The following ASPH variants were observed in gnomAD, a reference collection of about 807,000 sequenced individuals.
ASPH encodes the protein aspartyl/asparaginyl beta-hydroxylase.
In ASPH, 100 loss-of-function variants were observed where a neutral mutation model predicts 118.4. That is an observed-to-expected ratio of 0.84 (90% confidence interval 0.72 to 1.00). The LOEUF (loss-of-function observed/expected upper bound fraction) is 1.00. Among genes scored for constraint, ASPH ranks in the 50% least tolerant of loss-of-function variants. The pLI is 0.00. For missense variants in ASPH, 920 were observed against 919.5 expected (o/e 1.00, Z -0.01); for synonymous variants, 315 against 325.6 (o/e 0.97, Z 0.35).
intron 22 of ASPH, among the ~76,000 whole-genome samples, chr8:61,523,261 G>T (rs1813821108): frequency 6.6e-6 from 1 of 151,210 alleles, no homozygotes; most frequent in Admixed American, 6.6e-5. Context: ...ATGCCATCCT[G>T]CTTCAGCATA....
At chr8:61,582,989 A>G (rs1389983256) in intron 15 of ASPH, 1 of 152,242 alleles carries the variant, frequency 6.6e-6, no homozygotes, top group African/African-American at 2.4e-5. Context: ...AAGGGAACGA[A>G]TAACTTAAAT....
intron 13 of ASPH, among the ~76,000 whole-genome samples, chr8:61,621,313 C>T (rs565113199): frequency 2.5e-4 from 30 of 118,450 alleles, no homozygotes; most frequent in Admixed American, 6.5e-4. Flanking sequence ...TAAATTACTG[C>T]AACTTGAGCA....
chr8:61,600,188 C>T (rs1259193534), intron 14 of ASPH, among the ~76,000 whole-genome samples: 1 of 152,148 alleles, frequency 6.6e-6, no homozygotes, highest in Non-Finnish European at 1.5e-5. Context: ...TGATAAAATA[C>T]AACACACTTC....
In ASPH at chr8:61,526,024, T is replaced by G; in HGVS notation, c.1853A>C (p.Asn618Thr). 6.2e-7 allele frequency: 1 copy of G among 1,613,950 alleles called. No individual in the cohort carries two copies. The highest frequency in any genetic ancestry group is 8.5e-7 in the Non-Finnish European group (1 of 1,179,908). ...GCTCCAGTCCCCTTTTTCCCTCAGG[T>G]TTTCATCCTCAGGCAGGAAGAGACC... ...AKGLFLPEDE[N>T]LREKGDWSQF... is the part of the protein sequence containing the mutation. Residue 618 changes from asparagine (N) to threonine (T), a missense_variant, in exon 22 of 25, where the codon AAC becomes ACC. By Grantham distance (65) the Asn-to-Thr change is moderately conservative. Transcript: ENST00000379454.
chr8:61,518,904 A>T (rs1211076923), intron 22 of ASPH, among the ~76,000 whole-genome samples: 2 of 152,218 alleles, frequency 1.3e-5, no homozygotes, highest in African/African-American at 2.4e-5. Flanking sequence ...TGCATTAAAC[A>T]CAAGGAAAAA....
chr8:61,590,596 C>G (rs1840829632), intron 14 of ASPH, among the ~76,000 whole-genome samples: 1 of 149,402 alleles, frequency 6.7e-6, no homozygotes, highest in African/African-American at 2.6e-5. Flanking sequence ...GTATGAATTT[C>G]TCCCACTAGC....
chr8:61,530,708 TA>T (rs1450364303), intron 21 of ASPH, among the ~76,000 whole-genome samples: 1 of 152,224 alleles, frequency 6.6e-6, no homozygotes, highest in Non-Finnish European at 1.5e-5. Flanking sequence ...TTTGTTCAAT[TA>T]AAAAATACAC....
intron 17 of ASPH, among the ~76,000 whole-genome samples, chr8:61,565,283 A>AT (rs1287873053): frequency 2.6e-5 from 4 of 151,896 alleles, no homozygotes; most frequent in African/African-American, 7.2e-5. Context: ...TTACCAGTAA[A>AT]TTTTTTTTAG....
Position 61,500,719 on chromosome 8 carries a change from C to T in ASPH, c.*2640G>A, listed in dbSNP as rs1408152115. The T allele has an allele frequency of 2.0e-5, 3 of 152,322 alleles. No homozygotes were observed. The highest frequency in any genetic ancestry group is 3.4e-3 in the Middle Eastern group (1 of 294). The allele number at this position is 152,322 out of a possible 1,614,324, so 9.4% of individuals were successfully genotyped here. On this transcript the variant is annotated 3_prime_UTR_variant, in exon 25 of 25. Coordinates refer to ENST00000379454, the MANE Select transcript of ASPH (RefSeq NM_004318.4). ...TGCATATTTTTAGACATCTCTTATT[C>T]GCCCAGCCATCTGCATGACATGGGT... is the stretch of plus-strand genomic sequence containing the variant.
At chr8:61,634,428 T>G (rs895823283) in intron 12 of ASPH, among the ~76,000 whole-genome samples, 3 of 137,458 alleles carry the variant, frequency 2.2e-5, no homozygotes, top group African/African-American at 8.1e-5. Flanking sequence ...AAAGATTTTT[T>G]TAACAGTATT....
intron 15 of ASPH, chr8:61,579,768 C>T (rs1354551454): frequency 1.6e-5 from 13 of 802,230 alleles, no homozygotes; most frequent in Non-Finnish European, 2.6e-5. Context: ...ACAGGAGACC[C>T]ACCTGAGGCT....
chr8:61,553,113 A>G lies in ASPH; in HGVS notation c.1544T>C (p.Ile515Thr). ...ATCAGTGCCAGGATCTCCGGATTCT[A>G]TTCCTTCCTGTAGAAAGGACAGTGT... ...AESIPYLKEG[I>T]ESGDPGTDDG... is the part of the protein sequence containing the mutation. The change falls in exon 20 of 25, where the codon ATA becomes ACA. Residue 515 changes from isoleucine (I) to threonine (T), a missense_variant. By Grantham distance (89) the Ile-to-Thr change is moderately conservative. Coordinates refer to ENST00000379454, the MANE Select transcript of ASPH (RefSeq NM_004318.4). 6.2e-7 allele frequency: 1 copy of G among 1,612,576 alleles called. No individual in the cohort carries two copies. The highest frequency in any genetic ancestry group is 8.5e-7 in the Non-Finnish European group (1 of 1,178,692).
intron 21 of ASPH, among the ~76,000 whole-genome samples, chr8:61,543,082 A>C (rs1417862934): frequency 1.3e-5 from 2 of 152,196 alleles, no homozygotes; most frequent in Non-Finnish European, 1.5e-5. Context: ...TAAATTTGGC[A>C]ATTTGACTGT....
chr8:61,608,129 A>C (rs1476338794), intron 14 of ASPH, among the ~76,000 whole-genome samples: 1 of 152,230 alleles, frequency 6.6e-6, no homozygotes, highest in East Asian at 1.9e-4. Context: ...AACTGACGGC[A>C]TCAGAAAAAG....
rs759822806 is a variant in ASPH, at chr8:61,646,793, T to C, written c.576A>G (p.Val192=). Residue 192 remains valine (V), a synonymous_variant, in exon 6 of 25, where the codon GTA becomes GTG. Coordinates refer to ENST00000379454, the MANE Select transcript of ASPH (RefSeq NM_004318.4). ...GTTCCAGGGTCTCAAATCTATCATC[T>C]ACATCAGTCGCCATAAGAAACTCAT... ...EDDEFLMATD[V]DDRFETLEPE... 1.2e-6 allele frequency: 2 copies of C among 1,613,944 alleles called. No individual in the cohort carries two copies. The highest frequency in any genetic ancestry group is 2.7e-5 in the African/African-American group (2 of 74,934).
intron 14 of ASPH, among the ~76,000 whole-genome samples, chr8:61,600,840 C>A (rs1843760932): frequency 6.6e-6 from 1 of 151,068 alleles, no homozygotes; most frequent in East Asian, 1.9e-4. Context: ...TGTGGTAACT[C>A]AATAAATACA....
At chr8:61,708,137 T>C (rs1837168905) in intron 1 of ASPH, among the ~76,000 whole-genome samples, 1 of 152,214 alleles carries the variant, frequency 6.6e-6, no homozygotes, top group Non-Finnish European at 1.5e-5. Flanking sequence ...GGTCAGTACA[T>C]GGGCATCCAC....
chr8:61,602,779 A>C (rs1431190663), intron 14 of ASPH, among the ~76,000 whole-genome samples: 1 of 146,968 alleles, frequency 6.8e-6, no homozygotes, highest in Non-Finnish European at 1.5e-5. Flanking sequence ...AGTTTCATAC[A>C]TGGCAAAACT....
chr8:61,509,549 TCAGCAA>T (rs888680240), intron 24 of ASPH, among the ~76,000 whole-genome samples: 1 of 152,212 alleles, frequency 6.6e-6, no homozygotes, highest in Non-Finnish European at 1.5e-5. Context: ...ACCTGTTTTA[TCAGCAA>T]GGTCTGTATG....
Sources: allele counts gnomAD v4.1 joint callset (sites outside exome capture counted in the v4.1 genomes callset), GRCh38; gene constraint gnomAD v4.1.1; transcripts MANE v1.5; gene names NCBI Gene and HGNC (gene_info 2026-07-23, HGNC 2026-07-21).